PDE4B: variants seen among roughly 807,000 people sequenced by gnomAD.
The protein encoded by PDE4B is phosphodiesterase 4B.
PDE4B carries 20 observed loss-of-function variants against 82.2 expected under a neutral mutation model. The observed-to-expected ratio is 0.24, with a 90% CI of 0.17 to 0.35. The LOEUF is 0.35. Among genes scored for constraint, PDE4B ranks in the 10% least tolerant of loss-of-function variants. PDE4B has a pLI of 1.00. For missense variants in PDE4B, 655 were observed against 907.2 expected, an observed-to-expected ratio of 0.72 and a Z score of 3.57; for synonymous variants, 320 against 318.9, an observed-to-expected ratio of 1.00 and a Z score of -0.04.
chr1:65,830,054 A>T (rs1161557632), intron 1 of PDE4B, among the ~76,000 whole-genome samples: 1 of 152,154 alleles, frequency 6.6e-6, no homozygotes, highest in Non-Finnish European at 1.5e-5. Flanking sequence ...AAAATACAAG[A>T]TGTGCTTGAA....
At chr1:66,239,397 G>A (rs1652707900) in intron 3 of PDE4B, among the ~76,000 whole-genome samples, 1 of 151,906 alleles carries the variant, frequency 6.6e-6, no homozygotes, top group African/African-American at 2.4e-5. Flanking sequence ...CCTTTCCTTA[G>A]AATTACAGTT....
chr1:65,859,397 A>G (rs981738839), intron 1 of PDE4B, among the ~76,000 whole-genome samples: 1 of 152,176 alleles, frequency 6.6e-6, no homozygotes, highest in Non-Finnish European at 1.5e-5. Context: ...GATGTAAAAT[A>G]CAAAAGAATA....
intron 3 of PDE4B, among the ~76,000 whole-genome samples, chr1:66,198,818 T>A (rs1340519029): frequency 1.3e-4 from 20 of 151,426 alleles, no homozygotes. Context: ...TGTCCATGTG[T>A]TCTCGTTGTT....
intron 3 of PDE4B, among the ~76,000 whole-genome samples, chr1:65,928,405 A>G (rs948527889): frequency 6.6e-6 from 1 of 152,208 alleles, no homozygotes; most frequent in Non-Finnish European, 1.5e-5. Context: ...AGCCAATGCC[A>G]TAACTCTACA....
At chr1:66,154,672 T>C (rs554060038) in intron 3 of PDE4B, among the ~76,000 whole-genome samples, 1 of 152,346 alleles carries the variant, frequency 6.6e-6, no homozygotes, top group East Asian at 1.9e-4. Context: ...TGGCTACACA[T>C]GCTCCAATTA....
At chr1:65,998,127 A>G (rs1651652726) in intron 3 of PDE4B, among the ~76,000 whole-genome samples, 1 of 152,226 alleles carries the variant, frequency 6.6e-6, no homozygotes, top group African/African-American at 2.4e-5. Flanking sequence ...TACTCATTTA[A>G]GCATATAAAA....
intron 3 of PDE4B, among the ~76,000 whole-genome samples, chr1:66,077,984 A>G (rs1656516495): frequency 6.6e-6 from 1 of 152,192 alleles, no homozygotes; most frequent in Non-Finnish European, 1.5e-5. Context: ...GGATTTTGTG[A>G]GAATTAAATA....
chr1:66,217,131 C>T (rs1201298223), intron 3 of PDE4B, among the ~76,000 whole-genome samples: 1 of 152,048 alleles, frequency 6.6e-6, no homozygotes, highest in Admixed American at 6.6e-5. Flanking sequence ...GTGTCAGCTT[C>T]CCCTCTCCAG....
intron 9 of PDE4B, among the ~76,000 whole-genome samples, chr1:66,357,371 TGATAA>T (rs1192233833): frequency 6.6e-6 from 1 of 151,996 alleles, no homozygotes; most frequent in Admixed American, 6.6e-5. Flanking sequence ...GAAAGAAAGC[TGATAA>T]GATAATAAAG....
Position 66,131,383 on chromosome 1 carries a change from G to T in PDE4B, c.282-116077G>T, listed in dbSNP as rs10157370. On this transcript the variant is annotated intron_variant, in intron 3 of 16. Transcript: ENST00000341517. ...ATAAAAATTGGAAGATCAAAATAAA[G>T]AACTATAAACAACATAAAATATTTA... Among the ~76,000 whole-genome samples, 1,256 of 150,560 alleles carry T rather than the reference G, an allele frequency of 8.3e-3. 27 individuals are homozygous for T. Among genetic ancestry groups the T allele is most frequent in the African/African-American group, 0.029 (1,173 of 41,014 alleles).
intron 3 of PDE4B, among the ~76,000 whole-genome samples, chr1:65,950,668 A>G (rs750628578): frequency 3.9e-5 from 6 of 152,078 alleles, no homozygotes; most frequent in Non-Finnish European, 7.4e-5. Context: ...ATCCCATGCC[A>G]GGAGGTCATT....
chr1:65,853,186 G>A (rs943797546), intron 1 of PDE4B, among the ~76,000 whole-genome samples: 2 of 151,862 alleles, frequency 1.3e-5, no homozygotes, highest in Admixed American at 1.3e-4. Flanking sequence ...CTTATCTAAT[G>A]TTAAAAACAG....
intron 1 of PDE4B, among the ~76,000 whole-genome samples, chr1:65,896,434 C>T (rs1193610833): frequency 6.6e-6 from 1 of 152,126 alleles, no homozygotes; most frequent in Non-Finnish European, 1.5e-5. Flanking sequence ...TATGGAGCTA[C>T]AGTTCAACAT....
At chr1:66,115,956 G>A (rs1645586009) in intron 3 of PDE4B, among the ~76,000 whole-genome samples, 1 of 152,100 alleles carries the variant, frequency 6.6e-6, no homozygotes, top group Non-Finnish European at 1.5e-5. Flanking sequence ...TTATCTTACA[G>A]TTTTAGCATT....
intron 7 of PDE4B, among the ~76,000 whole-genome samples, chr1:66,299,593 C>T (rs1657744804): frequency 6.6e-6 from 1 of 152,192 alleles, no homozygotes; most frequent in South Asian, 2.1e-4. Context: ...AGTGGGATCA[C>T]TGTAATATGG....
At chr1:66,019,200 AC>A (rs1652948051) in intron 3 of PDE4B, among the ~76,000 whole-genome samples, 1 of 152,110 alleles carries the variant, frequency 6.6e-6, no homozygotes, top group Admixed American at 6.5e-5. Flanking sequence ...GCTTCTTTTC[AC>A]CTACAAATAA....
intron 3 of PDE4B, among the ~76,000 whole-genome samples, chr1:66,058,155 G>A (rs1655399388): frequency 1.3e-5 from 2 of 152,194 alleles, no homozygotes; most frequent in Admixed American, 1.3e-4. Flanking sequence ...ATCCAGCAGG[G>A]GAGTCAAATC....
chr1:66,249,287 GTGAGC>G (rs1653568740), intron 4 of PDE4B, among the ~76,000 whole-genome samples: 1 of 152,172 alleles, frequency 6.6e-6, no homozygotes, highest in Non-Finnish European at 1.5e-5. Flanking sequence ...AGGTCATGTG[GTGAGC>G]TCAAAGTAAT....
At chr1:66,266,233 A>G in intron 7 of PDE4B, 146 bp downstream of exon 7, 1 of 686,884 alleles carries the variant, frequency 1.5e-6, no homozygotes, top group Admixed American at 2.1e-5. Flanking sequence ...TTTCTAAGGT[A>G]CACTGGAGCA....
Sources: allele counts gnomAD v4.1 joint callset (sites outside exome capture counted in the v4.1 genomes callset), GRCh38; gene constraint gnomAD v4.1.1; transcripts MANE v1.5; gene names NCBI Gene and HGNC (gene_info 2026-07-23, HGNC 2026-07-21).